ANKRD27: variants seen among roughly 807,000 people sequenced by gnomAD.
The protein encoded by ANKRD27 is ankyrin repeat domain-containing protein 27.
ANKRD27 carries 112 observed loss-of-function variants against 129.7 expected under a neutral mutation model. The observed-to-expected ratio is 0.86, with a 90% confidence interval of 0.74 to 1.01. The LOEUF (loss-of-function observed/expected upper bound fraction) is 1.01, where lower values mean the gene tolerates loss of function less well. Ranked by LOEUF, ANKRD27 falls within the 50% of genes least tolerant of loss-of-function variation. The pLI is 0.00. For synonymous variants in ANKRD27, 516 were observed against 511.2 expected, an observed-to-expected ratio of 1.01 and a Z score of -0.13; for missense variants, 1,258 against 1,300.5, an observed-to-expected ratio of 0.97 and a Z score of 0.50.
chr19:32,605,111 C>T (rs1245607152), intron 24 of ANKRD27, among the ~76,000 whole-genome samples: 1 of 152,088 alleles, frequency 6.6e-6, no homozygotes, highest in Non-Finnish European at 1.5e-5. Context: ...GTGGCTTACA[C>T]CCGTAATCCA....
chr19:32,622,663 G>A (rs1972031382), intron 17 of ANKRD27, 44 bp from the exon 18 acceptor site: 3 of 1,599,828 alleles, frequency 1.9e-6, no homozygotes, highest in Non-Finnish European at 2.6e-6. Flanking sequence ...GATGTACCAA[G>A]CCTCGACAAG....
rs1459477967 is a variant in ANKRD27 at position 32,597,517 on chromosome 19, A to AATG, written c.*625_*627dup. On this transcript the variant is annotated 3_prime_UTR_variant, in exon 29 of 29. Transcript: ENST00000306065. ...ATCTGTACCTACTTGTTAGAAGGAAAATGATAACCACCCTTTCCCATGTGC... is the reference window on the plus strand; with the variant it reads ...ATCTGTACCTACTTGTTAGAAGGAAAATGATGATAACCACCCTTTCCCATGTGC... The AATG allele has an allele frequency of 2.6e-5, 4 of 153,606 alleles. No individual in the cohort carries two copies. Among genetic ancestry groups the AATG allele is most frequent in the African/African-American group, 9.6e-5 (4 of 41,468 alleles). The allele number at this position is 153,606 out of a possible 1,614,324, so 9.5% of individuals were successfully genotyped here.
At chr19:32,632,608 CA>C (rs1967016505) in intron 12 of ANKRD27, among the ~76,000 whole-genome samples, 1 of 136,992 alleles carries the variant, frequency 7.3e-6, no homozygotes, top group Non-Finnish European at 1.6e-5. Context: ...AAAAAAAAGG[CA>C]AAACTCTAGA....
chr19:32,650,026 G>A (rs1967382302), intron 2 of ANKRD27, among the ~76,000 whole-genome samples: 1 of 152,156 alleles, frequency 6.6e-6, no homozygotes, highest in Admixed American at 6.5e-5. Flanking sequence ...ACCACAGGCA[G>A]AGGGAGGAGG....
At chr19:32,602,195 G>C (rs924859173) in intron 25 of ANKRD27, 69 bp from the exon 26 acceptor site, 3 of 1,017,962 alleles carry the variant, frequency 2.9e-6, no homozygotes, top group Non-Finnish European at 3.0e-6. Flanking sequence ...ATTTGTTTTT[G>C]ATCTAAATGT....
chr19:32,630,350 G>A (rs573129954), intron 13 of ANKRD27, among the ~76,000 whole-genome samples: 3 of 152,300 alleles, frequency 2.0e-5, no homozygotes, highest in South Asian at 2.1e-4. Context: ...GCACCTCAGC[G>A]GCCTGCCTGT....
chr19:32,600,868 A>C (rs1971641498), intron 26 of ANKRD27, among the ~76,000 whole-genome samples: 1 of 152,150 alleles, frequency 6.6e-6, no homozygotes, highest in Non-Finnish European at 1.5e-5. Context: ...ATAATATTTC[A>C]TATTGTAAAT....
At chr19:32,641,157 TC>T (rs1967193366) in intron 10 of ANKRD27, among the ~76,000 whole-genome samples, 1 of 150,142 alleles carries the variant, frequency 6.7e-6, no homozygotes, top group Non-Finnish European at 1.5e-5. Flanking sequence ...CGCCTCAGCC[TC>T]CCAAAGTGCT....
chr19:32,656,099 GAAAGAAAGAAAAGAAAAGAAAAGA>G (rs759049289), intron 2 of ANKRD27, among the ~76,000 whole-genome samples: 1,479 of 122,990 alleles, frequency 0.012, 11 homozygotes, highest in Admixed American at 0.018. Flanking sequence ...AAGAAAGAAA[GAAAGAAAGAAAAGAAAAGAAAAGA>G]AAAGAAAAGA....
intron 28 of ANKRD27, 106 bp from the exon 29 acceptor site, chr19:32,598,484 C>T (rs1486793439): frequency 3.1e-6 from 3 of 955,988 alleles, no homozygotes; most frequent in Non-Finnish European, 4.9e-6. Flanking sequence ...ATAATGTGCT[C>T]AGTGCTTGAC....
intron 23 of ANKRD27, 21 bp from the exon 24 acceptor site, chr19:32,605,975 G>A (rs1026778119): frequency 1.6e-5 from 26 of 1,586,700 alleles, no homozygotes; most frequent in African/African-American, 9.5e-5. Flanking sequence ...GAAGGAAAAC[G>A]TGCAAACTTA....
intron 1 of ANKRD27, among the ~76,000 whole-genome samples, chr19:32,667,742 G>A (rs1184421542): frequency 6.7e-6 from 1 of 150,026 alleles, no homozygotes; most frequent in African/African-American, 2.5e-5. Context: ...TGAAGCAGGA[G>A]AATCGCTTGA....
chr19:32,627,987 C>T, intron 15 of ANKRD27, 96 bp downstream of exon 15: 2 of 1,156,480 alleles, frequency 1.7e-6, no homozygotes, highest in East Asian at 2.4e-5. Context: ...ACTGCCAACC[C>T]CCACCCAGCC....
At chr19:32,629,705 A>G (rs541472582) in intron 13 of ANKRD27, among the ~76,000 whole-genome samples, 258 of 152,228 alleles carry the variant, frequency 1.7e-3, no homozygotes, top group African/African-American at 6.0e-3. Flanking sequence ...GTCACAAAAA[A>G]TAAAAACAAA....
chr19:32,599,797 A>G (rs763692565), intron 27 of ANKRD27, 21 bp from the exon 28 acceptor site: 3 of 1,610,100 alleles, frequency 1.9e-6, no homozygotes, highest in Admixed American at 1.7e-5. Flanking sequence ...AAATAAACGA[A>G]AATAAATATT....
chr19:32,639,103 G>A, intron 12 of ANKRD27: 1 of 481,012 alleles, frequency 2.1e-6, no homozygotes, highest in Non-Finnish European at 3.6e-6. Flanking sequence ...CATGTCTTTG[G>A]AGAGGATGGG....
chr19:32,623,118 G>GA (rs1165277292), intron 17 of ANKRD27, among the ~76,000 whole-genome samples: 1 of 152,066 alleles, frequency 6.6e-6, no homozygotes, highest in Non-Finnish European at 1.5e-5. Context: ...TCAAAAGGAT[G>GA]AAACTGCCAA....
chr19:32,611,377 C>G (rs1971833259), intron 22 of ANKRD27, among the ~76,000 whole-genome samples: 1 of 152,144 alleles, frequency 6.6e-6, no homozygotes, highest in Non-Finnish European at 1.5e-5. Context: ...TGTTCTGGAC[C>G]ATGTGCATCC....
chr19:32,641,688 C>A (rs1442885377), intron 10 of ANKRD27, among the ~76,000 whole-genome samples: 1 of 151,880 alleles, frequency 6.6e-6, no homozygotes, highest in East Asian at 1.9e-4. Flanking sequence ...TCCATACACT[C>A]AGGATCATCC....
Sources: gnomAD v4.1 joint callset for allele counts (sites outside exome capture counted in the v4.1 genomes callset) on GRCh38, gnomAD v4.1.1 for gene constraint, MANE v1.5 for transcripts, NCBI Gene and HGNC (gene_info 2026-07-23, HGNC 2026-07-21) for gene names.